CHCHD3: variants seen among roughly 807,000 people sequenced by gnomAD.
CHCHD3 encodes MICOS complex subunit MIC19.
CHCHD3 carries 20 observed loss-of-function variants against 38.2 expected under a neutral mutation model. The observed-to-expected ratio is 0.52, with a 90% confidence interval of 0.37 to 0.76. CHCHD3 has a LOEUF of 0.76. Ranked by LOEUF, CHCHD3 falls within the 30% of genes least tolerant of loss-of-function variation. CHCHD3 has a pLI of 0.00. For missense variants in CHCHD3, 245 were observed against 279.2 expected (o/e 0.88, Z 0.87); for synonymous variants, 82 against 100.0 (o/e 0.82, Z 1.07).
At chr7:133,033,501 T>G (rs1225760212) in intron 2 of CHCHD3, among the ~76,000 whole-genome samples, 1 of 152,136 alleles carries the variant, frequency 6.6e-6, no homozygotes, top group East Asian at 1.9e-4. Flanking sequence ...AGTGGTACAG[T>G]ATTGCCCCAC....
At chr7:132,821,804 G>A (rs553379810) in intron 6 of CHCHD3, among the ~76,000 whole-genome samples, 3 of 132,804 alleles carry the variant, frequency 2.3e-5, no homozygotes, top group African/African-American at 5.8e-5. Flanking sequence ...CGTCCAGGCC[G>A]GACTGCGGAC....
intron 3 of CHCHD3, among the ~76,000 whole-genome samples, chr7:133,015,391 G>T (rs1052237432): frequency 1.1e-4 from 11 of 103,540 alleles, no homozygotes; most frequent in African/African-American, 3.4e-4. Context: ...TAAATGTCAG[G>T]TATAGCCTAC....
chr7:133,006,090 T>C (rs914208819), intron 3 of CHCHD3, among the ~76,000 whole-genome samples: 1 of 152,186 alleles, frequency 6.6e-6, no homozygotes, highest in African/African-American at 2.4e-5. Context: ...TAAAATGATC[T>C]GGCAAGAATT....
rs116950575 is a variant in CHCHD3 at position 132,942,569 on chromosome 7, G to C, written c.369+32600C>G. 5.7e-4 allele frequency among the ~76,000 whole-genome samples: 87 copies of C among 151,978 alleles called. No homozygotes were observed. The East Asian group carries it at 0.015, about 27-fold the overall frequency. On this transcript the variant is annotated intron_variant, in intron 4 of 7. Transcript: ENST00000262570. ...GTAATTTTACATTATTGAATCCTGC[G>C]GCTTTATACATTGGAAGAATTTTCT...
chr7:132,920,629 C>T (rs1810236962), intron 4 of CHCHD3, among the ~76,000 whole-genome samples: 1 of 152,108 alleles, frequency 6.6e-6, no homozygotes, highest in East Asian at 1.9e-4. Context: ...ATGAAGGTTC[C>T]AGATGCTGAC....
chr7:133,024,242 C>T lies in CHCHD3; in HGVS notation c.251+304G>A, dbSNP rs192941249. On this transcript the variant is annotated intron_variant, in intron 3 of 7. Coordinates refer to ENST00000262570, the MANE Select transcript of CHCHD3 (RefSeq NM_017812.4). The stretch of plus-strand genomic sequence containing the variant: ...TTCAATGATGCATACATTTGCTGAT[C>T]GACTGGGAAATTCCTGGAGAATACT... Among the ~76,000 whole-genome samples the T allele has an allele frequency of 4.2e-3, 640 of 152,270 alleles. 2 individuals are homozygous for T. The highest frequency in any genetic ancestry group is 6.6e-3 in the Non-Finnish European group (451 of 68,020).
intron 5 of CHCHD3, among the ~76,000 whole-genome samples, chr7:132,872,037 G>T (rs148465544): frequency 1.4e-3 from 211 of 152,356 alleles, no homozygotes; most frequent in African/African-American, 4.7e-3. Context: ...TGTGGCAGGA[G>T]ATGGACAAGA....
rs145247233 is a variant in CHCHD3, at chr7:132,833,983, C to A, written c.524+4416G>T. On this transcript the variant is annotated intron_variant, in intron 6 of 7. Coordinates refer to ENST00000262570, the MANE Select transcript of CHCHD3 (RefSeq NM_017812.4). Reference sequence around the variant, plus strand: ...TTCATCAGATACAATTAACTAAATTCTCCTCAAAGTCCTTCAGAACTTGTT... The same window carrying A: ...TTCATCAGATACAATTAACTAAATTATCCTCAAAGTCCTTCAGAACTTGTT... Among the ~76,000 whole-genome samples the A allele has an allele frequency of 4.9e-3, 745 of 152,224 alleles. 5 individuals carry two copies. The highest frequency in any genetic ancestry group is 0.017 in the African/African-American group (714 of 41,524).
chr7:133,040,550 A>G (rs1035247944), intron 2 of CHCHD3, among the ~76,000 whole-genome samples: 5 of 152,238 alleles, frequency 3.3e-5, no homozygotes, highest in African/African-American at 9.6e-5. Flanking sequence ...ACCCCTCTAT[A>G]TATCTCAGTA....
intron 3 of CHCHD3, among the ~76,000 whole-genome samples, chr7:132,984,900 G>A (rs1275483275): frequency 3.0e-5 from 3 of 99,428 alleles, no homozygotes; most frequent in Admixed American, 2.0e-4. Flanking sequence ...GAGGGAGGTG[G>A]GGGGGTCAGC....
At chr7:132,988,303 ACACACACACACACC>A (rs1812180300) in intron 3 of CHCHD3, among the ~76,000 whole-genome samples, 1 of 151,092 alleles carries the variant, frequency 6.6e-6, no homozygotes, top group Admixed American at 6.6e-5. Context: ...ACACACACCC[ACACACACACACACC>A]CACACAAATA....
chr7:132,841,383 A>G (rs555276573), intron 5 of CHCHD3, among the ~76,000 whole-genome samples: 1 of 148,420 alleles, frequency 6.7e-6, no homozygotes, highest in Non-Finnish European at 1.5e-5. Context: ...ACACTTTTAC[A>G]AATGGACAGA....
intron 2 of CHCHD3, among the ~76,000 whole-genome samples, chr7:133,027,963 G>C (rs1405707758): frequency 1.3e-5 from 2 of 152,022 alleles, no homozygotes; most frequent in African/African-American, 4.8e-5. Context: ...TGACATATGG[G>C]TACACCTGTT....
chr7:132,876,195 A>G (rs1479524123), intron 5 of CHCHD3, among the ~76,000 whole-genome samples: 4 of 152,222 alleles, frequency 2.6e-5, no homozygotes, highest in Non-Finnish European at 5.9e-5. Flanking sequence ...CAAGATGTCA[A>G]GAAGCAAAAC....
chr7:133,081,410 G>A, intron 1 of CHCHD3, among the ~76,000 whole-genome samples: 1 of 152,072 alleles, frequency 6.6e-6, no homozygotes, highest in East Asian at 1.9e-4. Flanking sequence ...CAGAGGGAGA[G>A]CACTAAATGA....
intron 6 of CHCHD3, among the ~76,000 whole-genome samples, chr7:132,825,143 G>T (rs887079614): frequency 3.9e-5 from 6 of 152,110 alleles, no homozygotes; most frequent in African/African-American, 1.4e-4. Context: ...TATTTTCAGG[G>T]CCCATAGAAC....
At chr7:132,889,489 C>T (rs1401004621) in intron 4 of CHCHD3, among the ~76,000 whole-genome samples, 4 of 152,170 alleles carry the variant, frequency 2.6e-5, no homozygotes, top group African/African-American at 9.7e-5. Flanking sequence ...TATATGCTCA[C>T]TCACTTTTCT....
At position 133,081,958 on chromosome 7, in the gene CHCHD3, C is replaced by A. The variant is rs1434024914; in HGVS notation, c.-21G>T. 2 of 1,531,312 alleles carry A rather than the reference C, an allele frequency of 1.3e-6. No individual in the cohort carries two copies. The highest frequency in any genetic ancestry group is 1.2e-5 in the South Asian group (1 of 81,228). The allele number at this position is 1,531,312 out of a possible 1,614,324, so 94.9% of individuals were successfully genotyped here. A position where few individuals can be genotyped will look rare whatever the true frequency, so the allele number is the denominator to read the frequency against. ...CCCATGATTCCGGTTCCTGCCCCAG[C>A]GGAGACCTAGCGGGGAACCACGAGC... is the stretch of plus-strand genomic sequence containing the variant. On this transcript the variant is annotated 5_prime_UTR_variant, in exon 1 of 8. Transcript: ENST00000262570.
At chr7:133,031,078 T>G (rs1156483428) in intron 2 of CHCHD3, among the ~76,000 whole-genome samples, 1 of 152,154 alleles carries the variant, frequency 6.6e-6, no homozygotes, top group Non-Finnish European at 1.5e-5. Flanking sequence ...GCTATAAATT[T>G]GAGTTCAGGA....
Sources: allele counts gnomAD v4.1 joint callset (sites outside exome capture counted in the v4.1 genomes callset), GRCh38; gene constraint gnomAD v4.1.1; transcripts MANE v1.5; gene names NCBI Gene and HGNC (gene_info 2026-07-23, HGNC 2026-07-21).